The following ANK3 variants were observed in gnomAD, a reference collection of about 807,000 sequenced individuals.
The protein encoded by ANK3 is ankyrin-3.
ANK3 carries 57 observed loss-of-function variants against 370.9 expected under a neutral mutation model. That is an observed-to-expected ratio of 0.15 (90% confidence interval 0.12 to 0.19). ANK3 has a LOEUF of 0.19. ANK3 is among the 10% of genes least tolerant of loss of function. The pLI, the probability that ANK3 is intolerant of heterozygous loss-of-function variation, is 1.00. For missense variants in ANK3, 4,439 were observed against 5,302.1 expected (o/e 0.84, Z 5.06); for synonymous variants, 1,929 against 1,946.3 (o/e 0.99, Z 0.23).
chr10:60,270,548 C>A (rs2097957436), intron 4 of ANK3, among the ~76,000 whole-genome samples: 1 of 152,070 alleles, frequency 6.6e-6, no homozygotes, highest in South Asian at 2.1e-4. Flanking sequence ...AGTCATCAAC[C>A]ACTTATTGAG....
At chr10:60,469,043 A>G (rs2065090015) in intron 2 of ANK3, among the ~76,000 whole-genome samples, 1 of 100,690 alleles carries the variant, frequency 9.9e-6, no homozygotes, top group Non-Finnish European at 2.0e-5. Flanking sequence ...ATATATATAT[A>G]TATATATATA....
At position 60,658,347 on chromosome 10, in the gene ANK3, AT is replaced by A. The variant is rs200089820; in HGVS notation, c.58-43124del. 8.0e-5 allele frequency among the ~76,000 whole-genome samples: 12 copies of A among 150,836 alleles called. No homozygotes were observed. In the South Asian group the frequency reaches 1.5e-3, roughly 18 times the overall value. On this transcript the variant is annotated intron_variant, in intron 1 of 43. Transcript: ENST00000373827. The stretch of plus-strand genomic sequence containing the variant: ...TATTGGCTTTCTGCTGTATCTCTTC[AT>A]TTTTTTTAGCAGTTGTTCTAGGAAT...
At chr10:60,276,595 C>T (rs1346582287) in intron 4 of ANK3, among the ~76,000 whole-genome samples, 1 of 152,180 alleles carries the variant, frequency 6.6e-6, no homozygotes, top group Non-Finnish European at 1.5e-5. Flanking sequence ...TGTTCTTCTG[C>T]CTTACTGCAT....
chr10:60,444,808 T>C (rs1469122870), intron 2 of ANK3, among the ~76,000 whole-genome samples: 1 of 152,212 alleles, frequency 6.6e-6, no homozygotes, highest in African/African-American at 2.4e-5. Context: ...TGTGGGTATT[T>C]ATGAAGTGTC....
intron 2 of ANK3, among the ~76,000 whole-genome samples, chr10:60,462,579 T>A (rs900151420): frequency 7.1e-6 from 1 of 141,792 alleles, no homozygotes. Context: ...CAACAAAAAA[T>A]TTAGCTTTTT....
chr10:60,614,063 G>C (rs1407456275), intron 2 of ANK3, among the ~76,000 whole-genome samples: 1 of 152,022 alleles, frequency 6.6e-6, no homozygotes, highest in Non-Finnish European at 1.5e-5. Flanking sequence ...AACAGAGCAA[G>C]ACTCTGTCAA....
chr10:60,237,381 C>T (rs944221710), intron 7 of ANK3, among the ~76,000 whole-genome samples: 2 of 152,128 alleles, frequency 1.3e-5, no homozygotes, highest in Admixed American at 6.5e-5. Flanking sequence ...ACGAAGACCT[C>T]ATCACTTCCC....
intron 2 of ANK3, among the ~76,000 whole-genome samples, chr10:60,470,874 A>G (rs2065201330): frequency 6.6e-6 from 1 of 152,198 alleles, no homozygotes; most frequent in Admixed American, 6.6e-5. Flanking sequence ...AGTGCAGTTA[A>G]TAAAATTAAA....
chr10:60,566,772 A>C (rs1477381902), intron 2 of ANK3, among the ~76,000 whole-genome samples: 1 of 152,200 alleles, frequency 6.6e-6, no homozygotes, highest in Non-Finnish European at 1.5e-5. Context: ...GCTACTTGGA[A>C]GACTGAAGTG....
At chr10:60,582,695 C>A (rs567812164) in intron 2 of ANK3, among the ~76,000 whole-genome samples, 25 of 150,064 alleles carry the variant, frequency 1.7e-4, no homozygotes, top group Middle Eastern at 3.5e-3. Flanking sequence ...ATATTGATTC[C>A]TTCTACATTT....
intron 1 of ANK3, among the ~76,000 whole-genome samples, chr10:60,674,457 C>G (rs117773418): frequency 2.8e-3 from 431 of 152,110 alleles, no homozygotes; most frequent in South Asian, 7.7e-3. Flanking sequence ...GATGCCACAC[C>G]CTTTTAAACA....
intron 2 of ANK3, among the ~76,000 whole-genome samples, chr10:60,596,085 T>C: frequency 6.6e-6 from 1 of 152,064 alleles, no homozygotes; most frequent in Non-Finnish European, 1.5e-5. Flanking sequence ...GCTAAGAGGC[T>C]CAGTGAGGAA....
At chr10:60,590,043 T>C (rs1269455453) in intron 2 of ANK3, among the ~76,000 whole-genome samples, 1 of 152,230 alleles carries the variant, frequency 6.6e-6, no homozygotes, top group Non-Finnish European at 1.5e-5. Flanking sequence ...ATAATGAAAA[T>C]ACACTTTAGA....
intron 18 of ANK3, among the ~76,000 whole-genome samples, chr10:60,176,222 G>A (rs547413815): frequency 6.7e-5 from 10 of 149,896 alleles, no homozygotes; most frequent in Non-Finnish European, 7.4e-5. Flanking sequence ...ACAATTAGCC[G>A]GGCGTGGTGG....
chr10:60,067,315 G>A (rs1348865803), intron 38 of ANK3, among the ~76,000 whole-genome samples: 1 of 152,038 alleles, frequency 6.6e-6, no homozygotes, highest in African/African-American at 2.4e-5. Context: ...TTGTTTTCTT[G>A]TTTACATAGA....
intron 23 of ANK3, among the ~76,000 whole-genome samples, chr10:60,142,014 T>C (rs1193057012): frequency 2.0e-5 from 3 of 152,206 alleles, no homozygotes; most frequent in Non-Finnish European, 4.4e-5. Context: ...TGTCTGAATG[T>C]TCATCGACTT....
At chr10:60,399,853 A>G (rs887300815) in intron 2 of ANK3, among the ~76,000 whole-genome samples, 3 of 152,220 alleles carry the variant, frequency 2.0e-5, no homozygotes, top group Non-Finnish European at 4.4e-5. Flanking sequence ...TCTTTCCAGC[A>G]TACATCTAAT....
intron 1 of ANK3, among the ~76,000 whole-genome samples, chr10:60,365,391 G>A (rs1391826404): frequency 6.6e-6 from 1 of 152,114 alleles, no homozygotes; most frequent in East Asian, 1.9e-4. Context: ...TCCTTGAGCA[G>A]TTTTCATGTT....
intron 25 of ANK3, among the ~76,000 whole-genome samples, chr10:60,122,949 G>C (rs1454992706): frequency 5.3e-5 from 8 of 152,102 alleles, no homozygotes; most frequent in Admixed American, 2.0e-4. Context: ...ACATTCCTTT[G>C]TTAACAGCAC....
Sources: allele counts gnomAD v4.1 joint callset (sites outside exome capture counted in the v4.1 genomes callset), GRCh38; gene constraint gnomAD v4.1.1; transcripts MANE v1.5; gene names NCBI Gene and HGNC (gene_info 2026-07-23, HGNC 2026-07-21).